RAD51B: variants seen among roughly 807,000 people sequenced by gnomAD.
The protein encoded by RAD51B is DNA repair protein RAD51 homolog 2.
In RAD51B, 38 loss-of-function variants were observed where a neutral mutation model predicts 42.2. The observed-to-expected ratio is 0.90, with a 90% CI of 0.70 to 1.18. The LOEUF (loss-of-function observed/expected upper bound fraction) is 1.18, where lower values mean the gene tolerates loss of function less well. Ranked by LOEUF, RAD51B falls within the 50% of genes most tolerant of loss-of-function variation. RAD51B has a pLI of 0.00. For missense variants in RAD51B, 373 were observed against 400.7 expected, an observed-to-expected ratio of 0.93 and a Z score of 0.59; for synonymous variants, 154 against 145.2, an observed-to-expected ratio of 1.06 and a Z score of -0.43.
chr14:67,975,999 G>A (rs532994735), intron 7 of RAD51B, among the ~76,000 whole-genome samples: 1 of 151,636 alleles, frequency 6.6e-6, no homozygotes, highest in South Asian at 2.1e-4. Flanking sequence ...AAATGTTGTT[G>A]ATTCTTGTTC....
chr14:68,349,181 T>C (rs1185717743), intron 8 of RAD51B, among the ~76,000 whole-genome samples: 2 of 152,172 alleles, frequency 1.3e-5, no homozygotes, highest in African/African-American at 4.8e-5. Context: ...TATTCTGAGC[T>C]CATGGGCCAT....
intron 8 of RAD51B, among the ~76,000 whole-genome samples, chr14:68,408,206 G>A (rs1277344398): frequency 1.3e-5 from 2 of 152,172 alleles, no homozygotes; most frequent in Non-Finnish European, 2.9e-5. Context: ...ATATAGGTAG[G>A]ATTTTACAGT....
chr14:67,936,185 C>G (rs868414212), intron 7 of RAD51B, among the ~76,000 whole-genome samples: 10 of 152,136 alleles, frequency 6.6e-5, no homozygotes, highest in African/African-American at 1.9e-4. Flanking sequence ...TCACCACAGT[C>G]TAATTCCAAA....
chr14:68,028,691 G>C (rs887409384), intron 7 of RAD51B, among the ~76,000 whole-genome samples: 1 of 152,224 alleles, frequency 6.6e-6, no homozygotes, highest in African/African-American at 2.4e-5. Flanking sequence ...GACAGGAGAG[G>C]CTGCACTGCA....
chr14:68,360,938 C>T (rs980767660), intron 8 of RAD51B, among the ~76,000 whole-genome samples: 1 of 152,178 alleles, frequency 6.6e-6, no homozygotes, highest in African/African-American at 2.4e-5. Context: ...TCTTCTTGGC[C>T]TCCCTATAGC....
At chr14:68,248,872 T>C (rs902204705) in intron 7 of RAD51B, among the ~76,000 whole-genome samples, 4 of 152,230 alleles carry the variant, frequency 2.6e-5, no homozygotes, top group African/African-American at 7.2e-5. Flanking sequence ...AGGCAGCTGC[T>C]TTGAAATGGC....
At chr14:68,243,919 A>C (rs2080441912) in intron 7 of RAD51B, among the ~76,000 whole-genome samples, 1 of 152,092 alleles carries the variant, frequency 6.6e-6, no homozygotes, top group Non-Finnish European at 1.5e-5. Flanking sequence ...TGTTGACTTT[A>C]TATTCCCTCT....
chr14:68,287,901 A>T (rs907401386), intron 7 of RAD51B, among the ~76,000 whole-genome samples: 1 of 152,194 alleles, frequency 6.6e-6, no homozygotes, highest in Non-Finnish European at 1.5e-5. Context: ...GCTAAGTATT[A>T]TCATACCCAG....
chr14:68,586,836 C>G (rs929411566), intron 10 of RAD51B, among the ~76,000 whole-genome samples: 2 of 152,150 alleles, frequency 1.3e-5, no homozygotes, highest in African/African-American at 4.8e-5. Context: ...GAAACCCCAT[C>G]TCCACTAAAA....
chr14:68,477,989 T>A lies in RAD51B; in HGVS notation c.*325T>A. The A allele has an allele frequency of 8.9e-7, 1 of 1,122,548 alleles. No individual in the cohort carries two copies. The highest frequency in any genetic ancestry group is 1.6e-5 in the African/African-American group (1 of 62,310). 69.5% of individuals were successfully genotyped at this position (1,122,548 alleles called of 1,614,324 possible). A position where few individuals can be genotyped will look rare whatever the true frequency, so the allele number is the denominator to read the frequency against. ...GGCACCTCAAAGCGGTTTAACCACA[T>A]TAATTAATTAAAGCCCACAATCCTC... On this transcript the variant is annotated 3_prime_UTR_variant, in exon 11 of 11. Coordinates refer to ENST00000471583, the MANE Select transcript of RAD51B (RefSeq NM_133510.4).
In RAD51B at chr14:68,667,302, C is replaced by T. The variant is rs1439448645; in HGVS notation, c.*11+16446C>T. Among the ~76,000 whole-genome samples the T allele has an allele frequency of 2.0e-5, 3 of 152,358 alleles. No individual in the cohort carries two copies. In the East Asian group the frequency reaches 5.8e-4, roughly 29 times the overall value. ...TGAAACTCAGGCAGAATTTCTGTTGCAGTCTGGAGGCAGAATTCCTTCTTC... is the reference window on the plus strand; with the variant it reads ...TGAAACTCAGGCAGAATTTCTGTTGTAGTCTGGAGGCAGAATTCCTTCTTC... On this transcript the variant is annotated intron_variant, in intron 11 of 11. Transcript: ENST00000488612.
At chr14:67,820,829 A>G (rs567862733) in intron 1 of RAD51B, among the ~76,000 whole-genome samples, 1 of 152,310 alleles carries the variant, frequency 6.6e-6, no homozygotes, top group East Asian at 1.9e-4. Context: ...AACCTCCACT[A>G]CAGTCATATG....
intron 8 of RAD51B, among the ~76,000 whole-genome samples, chr14:68,346,687 C>T (rs555480317): frequency 6.6e-6 from 1 of 152,136 alleles, no homozygotes; most frequent in African/African-American, 2.4e-5. Flanking sequence ...ATGTCTTTTT[C>T]ACTGTCTCTG....
intron 7 of RAD51B, among the ~76,000 whole-genome samples, chr14:67,983,043 C>T (rs975008859): frequency 7.9e-5 from 12 of 152,050 alleles, no homozygotes; most frequent in African/African-American, 2.4e-4. Context: ...GCCTGGGTGA[C>T]GGAGGGAGAA....
chr14:68,207,209 T>TAC (rs531785707), intron 7 of RAD51B, among the ~76,000 whole-genome samples: 1,639 of 150,946 alleles, frequency 0.011, 23 homozygotes, highest in African/African-American at 0.031. Flanking sequence ...TGGGGAAAAA[T>TAC]ACACACACAC....
intron 8 of RAD51B, among the ~76,000 whole-genome samples, chr14:68,308,899 G>A (rs1311089541): frequency 1.3e-5 from 2 of 152,044 alleles, no homozygotes; most frequent in Admixed American, 6.6e-5. Context: ...GAAACCAAAT[G>A]TACTTTCTAT....
chr14:68,506,383 G>A (rs1433418333), intron 10 of RAD51B, among the ~76,000 whole-genome samples: 2 of 152,154 alleles, frequency 1.3e-5, no homozygotes, highest in African/African-American at 2.4e-5. Flanking sequence ...ACTCAGGCTC[G>A]GGGTAAATGC....
chr14:68,613,108 C>G (rs1304773196), downstream of RAD51B, among the ~76,000 whole-genome samples: 2 of 152,192 alleles, frequency 1.3e-5, no homozygotes, highest in African/African-American at 4.8e-5. Context: ...CTGCATAATG[C>G]AGACCAATAT....
At chr14:68,007,106 A>G (rs2075604001) in intron 7 of RAD51B, among the ~76,000 whole-genome samples, 1 of 152,126 alleles carries the variant, frequency 6.6e-6, no homozygotes, top group Admixed American at 6.6e-5. Flanking sequence ...TGGACCTTTC[A>G]TATAAATATA....
Sources: gnomAD v4.1 joint callset for allele counts (sites outside exome capture counted in the v4.1 genomes callset) on GRCh38, gnomAD v4.1.1 for gene constraint, MANE v1.5 for transcripts, NCBI Gene and HGNC (gene_info 2026-07-23, HGNC 2026-07-21) for gene names.